PIR: variants seen among roughly 807,000 people sequenced by gnomAD.
The protein encoded by PIR is pirin (iron-binding nuclear protein).
PIR carries 22 observed loss-of-function variants against 24.2 expected under a neutral mutation model. The ratio of observed to expected loss-of-function variants is 0.91; its 90% CI spans 0.65 to 1.30. The LOEUF is 1.30. PIR is among the 50% of genes most tolerant of loss of function. PIR has a pLI of 0.00. For synonymous variants in PIR, 80 were observed against 79.6 expected (o/e 1.00, Z -0.03); for missense variants, 220 against 220.3 (o/e 1.00, Z 0.01).
intron 5 of PIR, among the ~76,000 whole-genome samples, chrX:15,450,173 A>C (rs1398719783): frequency 8.9e-6 from 1 of 111,980 alleles, no homozygotes; most frequent in African/African-American, 3.2e-5. Flanking sequence ...TTAAATATCC[A>C]GTTTTTAAAT....
chrX:15,412,072 A>G (rs1415052211), intron 6 of PIR, among the ~76,000 whole-genome samples: 2 of 112,173 alleles, frequency 1.8e-5, no homozygotes, highest in Non-Finnish European at 3.8e-5. Context: ...TTACAAAAGT[A>G]TAGTGCACTT....
rs779971334 is a variant in PIR at position 15,391,018 on chromosome X, G to A, written c.694-767C>T. ...CAGTAATGACAGTTTTAGCAATACA[G>A]TGTAAGGGAATTTCACTGTCGTAGC... is the stretch of plus-strand genomic sequence containing the variant. On this transcript the variant is annotated intron_variant, in intron 8 of 9. Coordinates refer to ENST00000380420, the MANE Select transcript of PIR (RefSeq NM_001018109.3). Among the ~76,000 whole-genome samples, 86 of 111,665 alleles carry A rather than the reference G, an allele frequency of 7.7e-4. 1 individual carries two copies. Among genetic ancestry groups the A allele is most frequent in the Admixed American group, 9.6e-4 (10 of 10,457 alleles).
Position 15,390,359 on chromosome X carries a change from T to A in PIR, c.694-108A>T, listed in dbSNP as rs1327496387. 7.2e-6 allele frequency: 3 copies of A among 414,023 alleles called. No individual in the cohort carries two copies. The Admixed American group carries it at 1.4e-4, about 19-fold the overall frequency. 34.1% of individuals were successfully genotyped at this position (414,023 alleles called of 1,213,427 possible). On this transcript the variant is annotated intron_variant, in intron 8 of 9. Coordinates refer to ENST00000380420, the MANE Select transcript of PIR (RefSeq NM_001018109.3). ...TAGCCAAATAGGCGATGTTCCTAAT[T>A]CTGAATATAATTTTCAAAAATATTT...
chrX:15,455,488 T>C (rs780799334), intron 5 of PIR, among the ~76,000 whole-genome samples: 322 of 112,675 alleles, frequency 2.9e-3, no homozygotes, highest in Middle Eastern at 4.6e-3. Context: ...TTTTTGGTTG[T>C]TTGTTTCTTA....
chrX:15,394,432 T>C (rs1398146793), intron 8 of PIR, among the ~76,000 whole-genome samples: 2 of 112,239 alleles, frequency 1.8e-5, no homozygotes, highest in African/African-American at 6.5e-5. Context: ...CCATGAATAG[T>C]GCCAGTTAAA....
At chrX:15,442,985 T>C (rs773097406) in intron 5 of PIR, among the ~76,000 whole-genome samples, 268 of 112,680 alleles carry the variant, frequency 2.4e-3, no homozygotes, top group African/African-American at 7.9e-3. Context: ...ATTTTCAATG[T>C]AGATGAAACA....
intron 6 of PIR, among the ~76,000 whole-genome samples, chrX:15,416,926 A>T (rs1363998071): frequency 9.0e-6 from 1 of 111,223 alleles, no homozygotes; most frequent in African/African-American, 3.3e-5. Flanking sequence ...GTCCCAGATG[A>T]CACTTTATTT....
chrX:15,490,132 CA>C (rs1433905800), intron 2 of PIR, among the ~76,000 whole-genome samples: 3 of 111,700 alleles, frequency 2.7e-5, no homozygotes, highest in African/African-American at 9.8e-5. Flanking sequence ...AGCCATCCCA[CA>C]ATATAGACAC....
intron 9 of PIR, 60 bp downstream of exon 9, chrX:15,390,125 T>A (rs376393634): frequency 6.3e-5 from 41 of 647,711 alleles, no homozygotes; most frequent in Non-Finnish European, 9.4e-5. Context: ...AGTATACATG[T>A]ATACTGTTTT....
At chrX:15,471,025 G>A (rs1921886527) in intron 3 of PIR, among the ~76,000 whole-genome samples, 1 of 111,227 alleles carries the variant, frequency 9.0e-6, no homozygotes. Flanking sequence ...GATGTATAGG[G>A]AAATTTGTTG....
At chrX:15,452,753 G>C (rs150894371) in intron 5 of PIR, among the ~76,000 whole-genome samples, 1,382 of 112,199 alleles carry the variant, frequency 0.012, 13 homozygotes, top group Non-Finnish European at 0.017. Flanking sequence ...CTGGGAGCCT[G>C]TTAGAAATGT....
At chrX:15,446,968 T>C (rs1435250818) in intron 5 of PIR, among the ~76,000 whole-genome samples, 1 of 112,507 alleles carries the variant, frequency 8.9e-6, no homozygotes, top group Non-Finnish European at 1.9e-5. Context: ...CCTTTAATCG[T>C]TACTATCAAT....
In PIR at chrX:15,419,788, CA is replaced by C. The variant is rs765711418; in HGVS notation, c.565+6117del. 7.5e-3 allele frequency among the ~76,000 whole-genome samples: 811 copies of C among 108,855 alleles called. 6 individuals carry two copies. Among genetic ancestry groups the C allele is most frequent in the Admixed American group, 0.016 (161 of 10,156 alleles). 94.5% of individuals were successfully genotyped at this position (108,855 alleles called of 115,157 possible). A position where few individuals can be genotyped will look rare whatever the true frequency, so the allele number is the denominator to read the frequency against. On this transcript the variant is annotated intron_variant, in intron 6 of 9. Coordinates refer to ENST00000380420, the MANE Select transcript of PIR (RefSeq NM_001018109.3). ...GTGGGTGCCTGTAATCCCAGCTACT[CA>C]GGAGGCTGAGGCAGGAGAATCGCTT... is the stretch of plus-strand genomic sequence containing the variant.
chrX:15,446,362 C>A (rs1926103664), intron 5 of PIR, among the ~76,000 whole-genome samples: 1 of 110,973 alleles, frequency 9.0e-6, no homozygotes, highest in South Asian at 3.9e-4. Context: ...TCCTTCTGCA[C>A]CATCTAGACC....
intron 3 of PIR, among the ~76,000 whole-genome samples, chrX:15,461,493 A>G (rs749283484): frequency 1.1e-4 from 12 of 112,979 alleles, no homozygotes; most frequent in African/African-American, 3.9e-4. Flanking sequence ...AAAATTAAAT[A>G]AAATTGGCTG....
In PIR at chrX:15,479,803, A is replaced by C; in HGVS notation, c.115T>G (p.Phe39Val). 2 of 1,155,289 alleles carry C rather than the reference A, an allele frequency of 1.7e-6. No individual in the cohort carries two copies. The highest frequency in any genetic ancestry group is 2.3e-6 in the Non-Finnish European group (2 of 851,138). The change falls in exon 3 of 10, where the codon TTT becomes GTT. Residue 39 changes from phenylalanine to valine, a missense_variant. Transcript: ENST00000380420. ...GRPELKNLDP[F>V]LLFDEFKGGR... ...CCTTTAAATTCATCAAACAGTAAAA[A>C]CGGATCCAGATTTTTTAACTGAAAT... is the stretch of plus-strand genomic sequence containing the variant.
At chrX:15,475,230 G>A (rs942088643) in intron 3 of PIR, among the ~76,000 whole-genome samples, 1 of 111,068 alleles carries the variant, frequency 9.0e-6, no homozygotes, top group African/African-American at 3.3e-5. Flanking sequence ...AAACACTGTC[G>A]GCTACCAACA....
intron 8 of PIR, among the ~76,000 whole-genome samples, chrX:15,396,814 C>G (rs1924162912): frequency 9.2e-6 from 1 of 109,195 alleles, no homozygotes; most frequent in Non-Finnish European, 1.9e-5. Context: ...AATCTCGGCT[C>G]ACTGCAAGCT....
intron 3 of PIR, among the ~76,000 whole-genome samples, chrX:15,470,726 C>T (rs188549386): frequency 3.8e-3 from 408 of 108,668 alleles, no homozygotes; most frequent in Middle Eastern, 9.4e-3. Flanking sequence ...CTCAGCCTCC[C>T]GAGTAGCTGG....
Sources: gnomAD v4.1 joint callset for allele counts (sites outside exome capture counted in the v4.1 genomes callset) on GRCh38, gnomAD v4.1.1 for gene constraint, MANE v1.5 for transcripts, NCBI Gene and HGNC (gene_info 2026-07-23, HGNC 2026-07-21) for gene names.